Variants in MYO1G observed in about 807,000 individuals in gnomAD.
The protein encoded by MYO1G is unconventional myosin-Ig.
Under a neutral mutation model 115.3 loss-of-function variants are expected in MYO1G, and 65 were observed. The observed-to-expected ratio is 0.56, with a 90% confidence interval of 0.46 to 0.69. The LOEUF is 0.69. Among genes scored for constraint, MYO1G ranks in the 30% least tolerant of loss-of-function variants. The pLI is 0.00. For synonymous variants in MYO1G, 510 were observed against 552.6 expected (o/e 0.92, Z 1.08); for missense variants, 1,204 against 1,393.5 (o/e 0.86, Z 2.16).
At position 44,966,684 on chromosome 7, in the gene MYO1G, C is replaced by T; in HGVS notation, c.1937G>A (p.Arg646Gln). The change falls in exon 15 of 22, where the codon CGA (arginine) becomes CAA (glutamine). Residue 646 changes from arginine (R) to glutamine (Q), a missense_variant. Arg to Gln is a conservative substitution (Grantham distance 43). Transcript: ENST00000258787. The surrounding 1 kb of genome is among the most constrained non-coding windows in gnomAD (Gnocchi z 5.0). ...CAGGTGCCAGTACCTGAGCAGGAAT[C>T]GAGAGTAGGGCTGGCGGGAAGCGAA... Reference protein sequence around the residue: ...AGFASRQPYSRFLLRYKMTCE... With the variant: ...AGFASRQPYSQFLLRYKMTCE... The T allele has an allele frequency of 6.2e-7, 1 of 1,613,160 alleles. No homozygotes were observed. The highest frequency in any genetic ancestry group is 8.5e-7 in the Non-Finnish European group (1 of 1,179,994).
chr7:44,976,485 C>G, intron 3 of MYO1G, 79 bp downstream of exon 3: 4 of 1,402,438 alleles, frequency 2.9e-6, no homozygotes, highest in Non-Finnish European at 4.0e-6. Context: ...GTCTCTCACT[C>G]CCCAGAGCCA....
intron 5 of MYO1G, chr7:44,972,759 T>A (rs1479422255): frequency 6.4e-6 from 1 of 156,882 alleles, no homozygotes; most frequent in African/African-American, 2.4e-5. Context: ...GGAGAGCCCA[T>A]GTCCTAGGGA....
At position 44,970,893 on chromosome 7, in the gene MYO1G, A is replaced by G; in HGVS notation, c.1013T>C (p.Leu338Pro). The stretch of plus-strand genomic sequence containing the variant: ...AGCTGCAGTGTGGCCCTTCTCTATG[A>G]GTTCCCTGCCTCCCGAGGCAACTGT... Reference protein sequence around the residue: ...ARTVASGGRELIEKGHTAAEA... With the variant: ...ARTVASGGREPIEKGHTAAEA... The change falls in exon 8 of 22, where the codon CTC becomes CCC. Residue 338 changes from leucine to proline, a missense_variant. Coordinates refer to ENST00000258787, the MANE Select transcript of MYO1G (RefSeq NM_033054.3). The G allele has an allele frequency of 6.2e-7, 1 of 1,613,528 alleles. No homozygotes were observed. The highest frequency in any genetic ancestry group is 8.5e-7 in the Non-Finnish European group (1 of 1,180,016).
Position 44,962,821 on chromosome 7 carries a change from G to A in MYO1G, c.2975C>T (p.Ser992Phe). ...TGGCTGCTCCGGCCTGGGCTCCACG[G>A]AGATGAGGCGCCGGACCCCGCGATG... is the stretch of plus-strand genomic sequence containing the variant. ...LSHRGVRRLI[S>F]VEPRPEQPEP... The change falls in exon 22 of 22, where the codon TCC becomes TTC. Residue 992 changes from serine (S) to phenylalanine (F), a missense_variant. Ser to Phe is a radical substitution (Grantham distance 155, BLOSUM62 -2). Coordinates refer to ENST00000258787, the MANE Select transcript of MYO1G (RefSeq NM_033054.3). The surrounding 1 kb of genome is among the most constrained non-coding windows in gnomAD (Gnocchi z 5.3). 6.6e-7 allele frequency: 1 copy of A among 1,521,474 alleles called. No individual in the cohort carries two copies. Among genetic ancestry groups the A allele is most frequent in the African/African-American group, 1.4e-5 (1 of 69,474 alleles). 94.2% of individuals were successfully genotyped at this position (1,521,474 alleles called of 1,614,324 possible).
chr7:44,965,138 C>T, intron 17 of MYO1G, 49 bp from the exon 18 acceptor site: 1 of 1,566,196 alleles, frequency 6.4e-7, no homozygotes, highest in Admixed American at 1.7e-5. Context: ...TGTTCATGTG[C>T]TCCCTGAGCC....
At chr7:44,977,179 C>A (rs1795071116) in intron 1 of MYO1G, 108 bp from the exon 2 acceptor site, 1 of 1,028,660 alleles carries the variant, frequency 9.7e-7, no homozygotes, top group Non-Finnish European at 1.4e-6. Flanking sequence ...GCGCTCCCAC[C>A]CTGACGGGCT....
Position 44,969,342 on chromosome 7 carries a change from G to A in MYO1G, c.1574+71C>T, listed in dbSNP as rs894593567. 75 of 1,523,596 alleles carry A rather than the reference G, an allele frequency of 4.9e-5. No individual in the cohort carries two copies. The highest frequency in any genetic ancestry group is 6.6e-5 in the Non-Finnish European group (73 of 1,098,836). The allele number at this position is 1,523,596 out of a possible 1,614,324, so 94.4% of individuals were successfully genotyped here. A position where few individuals can be genotyped will look rare whatever the true frequency, so the allele number is the denominator to read the frequency against. On this transcript the variant is annotated intron_variant, in intron 12 of 21. Transcript: ENST00000258787. The surrounding 1 kb of genome is among the most constrained non-coding windows in gnomAD (Gnocchi z 5.0). ...TGTCTCCGAGCCACTCCCCTGAAGC[G>A]CTCCTGCCCCATGACACATGCCATG...
rs1794853403 is a variant in MYO1G, at chr7:44,966,763, G to A, written c.1858C>T (p.His620Tyr). The change falls in exon 15 of 22, where the codon CAC (histidine) becomes TAC (tyrosine). Residue 620 changes from histidine (H) to tyrosine (Y), a missense_variant. Transcript: ENST00000258787. This position sits in a 1 kb window ranked among gnomAD's most constrained non-coding sequence, Gnocchi z 5.0. Reference sequence around the variant, plus strand: ...AGCAGCCCCAGGTATGCGACCTGGTGGCGACAGTGGTTCTCATCCAGCTTC... The same window carrying A: ...AGCAGCCCCAGGTATGCGACCTGGTAGCGACAGTGGTTCTCATCCAGCTTC... ...AGKLDENHCR[H>Y]QVAYLGLLEN... 7 of 1,613,616 alleles carry A rather than the reference G, an allele frequency of 4.3e-6. No homozygotes were observed. The highest frequency in any genetic ancestry group is 5.9e-6 in the Non-Finnish European group (7 of 1,179,998).
chr7:44,966,268 G>A lies in MYO1G; in HGVS notation c.1962C>T (p.Thr654=), dbSNP rs756415824. The change falls in exon 16 of 22, where the codon ACC becomes ACT. Residue 654 remains threonine, a synonymous_variant. Transcript: ENST00000258787. The surrounding 1 kb of genome is among the most constrained non-coding windows in gnomAD (Gnocchi z 5.0). ...GGTGGTTGGGCCATGTGTATTCACA[G>A]GTCATCTTGTACCTGTCACCACAGG... ...YSRFLLRYKM[T]CEYTWPNHLL... The A allele has an allele frequency of 8.7e-6, 14 of 1,607,324 alleles. No homozygotes were observed. The highest frequency in any genetic ancestry group is 1.3e-5 in the African/African-American group (1 of 74,816).
At chr7:44,965,523 C>A in intron 17 of MYO1G, 114 bp downstream of exon 17, 1 of 1,003,670 alleles carries the variant, frequency 1.0e-6, no homozygotes, top group East Asian at 2.5e-5. Context: ...CACCTTCCCA[C>A]CTATCAAGGG....
At chr7:44,976,836 T>TG in intron 2 of MYO1G, 27 bp downstream of exon 2, 1 of 1,609,670 alleles carries the variant, frequency 6.2e-7, no homozygotes, top group Non-Finnish European at 8.5e-7. Flanking sequence ...ATGCCGAGGG[T>TG]GGGGGCCCGG....
intron 12 of MYO1G, 66 bp from the exon 13 acceptor site, chr7:44,968,024 C>G: frequency 7.7e-7 from 1 of 1,306,998 alleles, no homozygotes; most frequent in Non-Finnish European, 1.1e-6. Context: ...GCTAATGACC[C>G]CAGCAGCCCC....
At chr7:44,976,832 A>T (rs1369677744) in intron 2 of MYO1G, 31 bp downstream of exon 2, 1 of 1,609,184 alleles carries the variant, frequency 6.2e-7, no homozygotes, top group Non-Finnish European at 8.5e-7. Context: ...GAAGATGCCG[A>T]GGGTGGGGGC....
intron 5 of MYO1G, chr7:44,974,904 T>A (rs1795019916): frequency 1.9e-6 from 1 of 537,984 alleles, no homozygotes; most frequent in Admixed American, 3.1e-5. Flanking sequence ...ACAGAGACAC[T>A]TATGGGTCCC....
At position 44,963,150 on chromosome 7, in the gene MYO1G, C is replaced by A; in HGVS notation, c.2746-26G>T. The A allele has an allele frequency of 7.1e-7, 1 of 1,412,334 alleles. No homozygotes were observed. 87.5% of individuals were successfully genotyped at this position (1,412,334 alleles called of 1,614,324 possible). A position where few individuals can be genotyped will look rare whatever the true frequency, so the allele number is the denominator to read the frequency against. ...CTGAGCGGAGCGCGGGGTCAGAGTG[C>A]AGCCGCCTCAACCCGCACCCCAGCC... is the stretch of plus-strand genomic sequence containing the variant. On this transcript the variant is annotated intron_variant, in intron 20 of 21. Coordinates refer to ENST00000258787, the MANE Select transcript of MYO1G (RefSeq NM_033054.3). This position sits in a 1 kb window ranked among gnomAD's most constrained non-coding sequence, Gnocchi z 4.1.
chr7:44,963,552 T>G lies in MYO1G; in HGVS notation c.2746-428A>C, dbSNP rs1220429561. 2 of 201,652 alleles carry G rather than the reference T, an allele frequency of 9.9e-6. No homozygotes were observed. The highest frequency in any genetic ancestry group is 2.3e-5 in the African/African-American group (1 of 42,856). The allele number at this position is 201,652 out of a possible 1,614,324, so 12.5% of individuals were successfully genotyped here. ...TCTATTGGGACAGTCATGGGACCCC[T>G]GAAACTGTGGGAGACCCAGAGGTAG... On this transcript the variant is annotated intron_variant, in intron 20 of 21. Coordinates refer to ENST00000258787, the MANE Select transcript of MYO1G (RefSeq NM_033054.3). The surrounding 1 kb of genome is among the most constrained non-coding windows in gnomAD (Gnocchi z 4.1).
At position 44,969,693 on chromosome 7, in the gene MYO1G, A is replaced by G. The variant is rs1007229569; in HGVS notation, c.1503+12T>C. ...CAGCCCACTGTGGTGGCACTGGGAC[A>G]GCCGGGGGCACCTGGCGGCTGGTGT... On this transcript the variant is annotated intron_variant, in intron 11 of 21. Transcript: ENST00000258787. This position sits in a 1 kb window ranked among gnomAD's most constrained non-coding sequence, Gnocchi z 5.0. 6.2e-7 allele frequency: 1 copy of G among 1,610,478 alleles called. No individual in the cohort carries two copies. Among genetic ancestry groups the G allele is most frequent in the South Asian group, 1.1e-5 (1 of 90,962 alleles).
At position 44,969,625 on chromosome 7, in the gene MYO1G, C is replaced by T. The variant is rs1794914207; in HGVS notation, c.1503+80G>A. On this transcript the variant is annotated intron_variant, in intron 11 of 21. Transcript: ENST00000258787. This position sits in a 1 kb window ranked among gnomAD's most constrained non-coding sequence, Gnocchi z 5.0. ...CCAAAGCTGGGTCCCCAACCAGGCCCCACGAGGCATGGGCAGCATGGTGCC... is the reference window on the plus strand; with the variant it reads ...CCAAAGCTGGGTCCCCAACCAGGCCTCACGAGGCATGGGCAGCATGGTGCC... 5 of 1,587,258 alleles carry T rather than the reference C, an allele frequency of 3.2e-6. No individual in the cohort carries two copies. The highest frequency in any genetic ancestry group is 1.1e-5 in the South Asian group (1 of 89,866).
chr7:44,968,825 G>A (rs1794899724), intron 12 of MYO1G: 1 of 152,370 alleles, frequency 6.6e-6, no homozygotes, highest in Admixed American at 6.5e-5. Flanking sequence ...AACAGATAAA[G>A]GTAGATGATA....
Sources: allele counts gnomAD v4.1 joint callset, GRCh38; gene constraint gnomAD v4.1.1; non-coding constraint Gnocchi (gnomAD v3.1); transcripts MANE v1.5; gene names NCBI Gene and HGNC (gene_info 2026-07-23, HGNC 2026-07-21).